KCNIP3: variants seen among roughly 807,000 people sequenced by gnomAD.
The protein encoded by KCNIP3 is potassium voltage-gated channel interacting protein 3.
A neutral mutation model predicts 35.0 loss-of-function variants in KCNIP3; 28 were observed. The observed-to-expected ratio is 0.80, with a 90% CI of 0.59 to 1.10. KCNIP3 has a LOEUF of 1.10. Ranked by LOEUF, KCNIP3 falls within the 50% of genes least tolerant of loss-of-function variation. KCNIP3 has a pLI of 0.00. For missense variants in KCNIP3, 295 were observed against 338.4 expected (o/e 0.87, Z 1.01); for synonymous variants, 134 against 133.8 (o/e 1.00, Z -0.01).
chr2:95,347,120 A>G (rs769761226), intron 2 of KCNIP3: 4 of 1,609,128 alleles, frequency 2.5e-6, no homozygotes, highest in Non-Finnish European at 3.4e-6. Context: ...ATATCCATGG[A>G]AGGTAACGCG....
At chr2:95,374,218 C>T in intron 2 of KCNIP3, 78 bp from the exon 3 acceptor site, 1 of 1,552,748 alleles carries the variant, frequency 6.4e-7, no homozygotes, top group Non-Finnish European at 8.7e-7. Context: ...TATTTTGGCC[C>T]ATGCCCTGGC....
intron 2 of KCNIP3, among the ~76,000 whole-genome samples, chr2:95,336,322 A>G (rs1169550500): frequency 1.3e-5 from 2 of 152,358 alleles, no homozygotes; most frequent in South Asian, 4.1e-4. Flanking sequence ...TCTCATTCTT[A>G]TAACAAAGCC....
At chr2:95,383,127 A>ACCCCCCCC in intron 7 of KCNIP3, 105 bp from the exon 8 acceptor site, 1 of 247,702 alleles carries the variant, frequency 4.0e-6, no homozygotes, top group Non-Finnish European at 7.9e-6. Flanking sequence ...CCGCCCATCC[A>ACCCCCCCC]CCCACCCGCC....
chr2:95,346,867 C>G (rs1300613234), intron 2 of KCNIP3: 1 of 294,540 alleles, frequency 3.4e-6, no homozygotes, highest in Admixed American at 5.4e-5. Flanking sequence ...GGGGCCCCGG[C>G]CCAGCCAACC....
rs1680246461 is a variant in KCNIP3 at position 95,378,024 on chromosome 2, A to G, written c.447+2816A>G. On this transcript the variant is annotated intron_variant, in intron 5 of 8. Transcript: ENST00000295225. This position sits in a 1 kb window ranked among gnomAD's most constrained non-coding sequence, Gnocchi z 4.0. The stretch of plus-strand genomic sequence containing the variant: ...GAAGGCCTGTCTGACCCAGGGCTTC[A>G]GGGATAACTTAGAATCTTCACTACT... Among the ~76,000 whole-genome samples, 1 of 152,266 alleles carries G rather than the reference A, an allele frequency of 6.6e-6. No individual in the cohort carries two copies. Among genetic ancestry groups the G allele is most frequent in the South Asian group, 2.1e-4 (1 of 4,836 alleles).
At chr2:95,380,765 A>T (rs1451713201) in intron 5 of KCNIP3, among the ~76,000 whole-genome samples, 3 of 152,246 alleles carry the variant, frequency 2.0e-5, no homozygotes, top group Non-Finnish European at 4.4e-5. Flanking sequence ...CTGTAATCCC[A>T]GCACTTCTGA....
intron 2 of KCNIP3, among the ~76,000 whole-genome samples, chr2:95,333,912 C>T (rs568484207): frequency 1.9e-4 from 29 of 152,286 alleles, no homozygotes; most frequent in African/African-American, 5.5e-4. Flanking sequence ...CCAAGTCATT[C>T]GTCTGCATTC....
chr2:95,353,880 T>A (rs1679588371), intron 2 of KCNIP3, among the ~76,000 whole-genome samples: 1 of 152,188 alleles, frequency 6.6e-6, no homozygotes, highest in African/African-American at 2.4e-5. Flanking sequence ...AGAGACATTT[T>A]TGGTTGTCAC....
intron 2 of KCNIP3, among the ~76,000 whole-genome samples, chr2:95,369,277 A>G (rs780124293): frequency 7.2e-5 from 11 of 152,138 alleles, no homozygotes; most frequent in Non-Finnish European, 1.2e-4. Context: ...TTATTTTTAA[A>G]TATTGAATCA....
chr2:95,351,475 G>C (rs1188962285), intron 2 of KCNIP3, among the ~76,000 whole-genome samples: 1 of 152,246 alleles, frequency 6.6e-6, no homozygotes, highest in Non-Finnish European at 1.5e-5. Flanking sequence ...GAGGAAGGGA[G>C]GAGTCTGGAA....
intron 2 of KCNIP3, among the ~76,000 whole-genome samples, chr2:95,333,827 G>C (rs770427198): frequency 8.5e-5 from 13 of 152,122 alleles, no homozygotes; most frequent in Non-Finnish European, 1.5e-4. Flanking sequence ...ACTTGGATAG[G>C]GGGCGTCTCA....
At chr2:95,305,045 G>T (rs1678135979) in intron 1 of KCNIP3, among the ~76,000 whole-genome samples, 2 of 152,198 alleles carry the variant, frequency 1.3e-5, no homozygotes, top group Non-Finnish European at 1.5e-5. Context: ...ACACTGCCAA[G>T]TATGCCACCA....
chr2:95,304,040 G>A (rs576681380), intron 1 of KCNIP3, among the ~76,000 whole-genome samples: 3 of 152,204 alleles, frequency 2.0e-5, no homozygotes, highest in South Asian at 2.1e-4. Flanking sequence ...ACGAGGGCAC[G>A]TCTCAGTGTG....
At chr2:95,356,938 G>A (rs1553446079) in intron 2 of KCNIP3, among the ~76,000 whole-genome samples, 1 of 152,240 alleles carries the variant, frequency 6.6e-6, no homozygotes, top group Non-Finnish European at 1.5e-5. Flanking sequence ...GTTGTGTTGG[G>A]CTTTCTTCAT....
intron 2 of KCNIP3, among the ~76,000 whole-genome samples, chr2:95,355,869 G>A (rs1288458931): frequency 1.3e-5 from 2 of 152,202 alleles, no homozygotes; most frequent in Non-Finnish European, 2.9e-5. Context: ...CCAGTAATGG[G>A]ATTGCTGGGT....
intron 1 of KCNIP3, among the ~76,000 whole-genome samples, chr2:95,302,245 C>T (rs144383500): frequency 0.011 from 1,749 of 152,316 alleles, 39 homozygotes; most frequent in African/African-American, 0.04. Context: ...TGGCCCTGGC[C>T]TCGGTGAAGC....
intron 2 of KCNIP3, among the ~76,000 whole-genome samples, chr2:95,354,027 T>C (rs1390114431): frequency 6.6e-6 from 1 of 152,212 alleles, no homozygotes; most frequent in Non-Finnish European, 1.5e-5. Context: ...GATGCTGTTC[T>C]AAAAGCAGTG....
At chr2:95,299,943 G>T (rs1677980479) in intron 1 of KCNIP3, among the ~76,000 whole-genome samples, 1 of 152,200 alleles carries the variant, frequency 6.6e-6, no homozygotes, top group Non-Finnish European at 1.5e-5. Context: ...AGCCCACAAG[G>T]CAGCTGTTGG....
chr2:95,302,692 G>T (rs756036886), intron 1 of KCNIP3, among the ~76,000 whole-genome samples: 1 of 152,174 alleles, frequency 6.6e-6, no homozygotes, highest in Non-Finnish European at 1.5e-5. Flanking sequence ...GAGCTGTCAG[G>T]TTCTCTGTCA....
Sources: allele counts gnomAD v4.1 joint callset (sites outside exome capture counted in the v4.1 genomes callset), GRCh38; gene constraint gnomAD v4.1.1; non-coding constraint Gnocchi (gnomAD v3.1); transcripts MANE v1.5; gene names NCBI Gene and HGNC (gene_info 2026-07-23, HGNC 2026-07-21).